Variants in SERINC5 observed in about 807,000 individuals in gnomAD.
The protein encoded by SERINC5 is chromosome 5 open reading frame 12.
SERINC5 carries 41 observed loss-of-function variants against 63.1 expected under a neutral mutation model. The observed-to-expected ratio is 0.65, with a 90% confidence interval of 0.51 to 0.84. SERINC5 has a LOEUF of 0.84. Among genes scored for constraint, SERINC5 ranks in the 40% least tolerant of loss-of-function variants. The pLI is 0.00. For missense variants in SERINC5, 523 were observed against 573.0 expected (o/e 0.91, Z 0.89); for synonymous variants, 222 against 215.2 (o/e 1.03, Z -0.28).
chr5:80,140,741 CACTT>C lies in SERINC5; in HGVS notation c.*2918_*2921del. 1.0e-6 allele frequency: 1 copy of C among 985,278 alleles called. No individual in the cohort carries two copies. Among genetic ancestry groups the C allele is most frequent in the Non-Finnish European group, 1.2e-6 (1 of 829,896 alleles). 61.0% of individuals were successfully genotyped at this position (985,278 alleles called of 1,614,324 possible). A position where few individuals can be genotyped will look rare whatever the true frequency, so the allele number is the denominator to read the frequency against. ...TAAGAACCCCCACCCCCCTGCCACC[CACTT>C]AGTGTTTTTACTCATAAAAATGAGG... is the stretch of plus-strand genomic sequence containing the variant. On this transcript the variant is annotated 3_prime_UTR_variant, in exon 12 of 12. Transcript: ENST00000507668.
At chr5:80,152,267 G>C (rs184552323) in intron 8 of SERINC5, among the ~76,000 whole-genome samples, 69 of 152,154 alleles carry the variant, frequency 4.5e-4, no homozygotes, top group African/African-American at 1.6e-3. Context: ...TTGGGAGGCT[G>C]TGGCAGGTAG....
downstream of SERINC5, among the ~76,000 whole-genome samples, chr5:80,135,761 G>A (rs921580989): frequency 6.6e-6 from 1 of 151,618 alleles, no homozygotes; most frequent in African/African-American, 2.4e-5. Context: ...GGCAATGATA[G>A]AAGCATAGTT....
intron 1 of SERINC5, among the ~76,000 whole-genome samples, chr5:80,221,228 A>G (rs1054877366): frequency 3.9e-5 from 6 of 152,296 alleles, no homozygotes; most frequent in African/African-American, 1.4e-4. Flanking sequence ...AAACCTTCCC[A>G]GGGGATCATC....
downstream of SERINC5, among the ~76,000 whole-genome samples, chr5:80,135,509 G>A (rs1477350608): frequency 6.6e-6 from 1 of 152,128 alleles, no homozygotes; most frequent in Non-Finnish European, 1.5e-5. Flanking sequence ...AATGTGAGGA[G>A]GAAAAAGATA....
Position 80,177,900 on chromosome 5 carries a change from A to G in SERINC5, c.360T>C (p.Ala120=). 5 of 1,608,464 alleles carry G rather than the reference A, an allele frequency of 3.1e-6. No individual in the cohort carries two copies. The South Asian group carries it at 5.6e-5, about 18-fold the overall frequency. The change falls in exon 3 of 12, where the codon GCT becomes GCC. Residue 120 remains alanine, a synonymous_variant. Transcript: ENST00000507668. ...LKINNSKSCR[A]HIHNGFWFFK... is the part of the protein sequence containing the mutation. ...AAAATACTTACCCATTGTGAATATGAGCTCTACAACTTTTGCTGTTGTTGA... is the reference window on the plus strand; with the variant it reads ...AAAATACTTACCCATTGTGAATATGGGCTCTACAACTTTTGCTGTTGTTGA...
At chr5:80,155,752 T>C (rs1337257456) in intron 8 of SERINC5, among the ~76,000 whole-genome samples, 1 of 151,708 alleles carries the variant, frequency 6.6e-6, no homozygotes, top group African/African-American at 2.4e-5. Context: ...TTTTTTTATC[T>C]AAAAAAATAA....
chr5:80,255,768 G>A lies in SERINC5; in HGVS notation c.27+128C>T, dbSNP rs552365517. 7.9e-5 allele frequency: 63 copies of A among 797,422 alleles called. No individual in the cohort carries two copies. In the African/African-American group the frequency reaches 8.9e-4, roughly 11 times the overall value. The allele number at this position is 797,422 out of a possible 1,614,324, so 49.4% of individuals were successfully genotyped here. On this transcript the variant is annotated intron_variant, in intron 1 of 11. Coordinates refer to ENST00000507668, the MANE Select transcript of SERINC5 (RefSeq NM_001174072.3). ...CGGCTGAGCGCCGCGGGGCCAGCCC[G>A]AGCGACCCACCCGGGCCCTACGTTC...
intron 11 of SERINC5, among the ~76,000 whole-genome samples, chr5:80,128,677 G>A (rs1303846819): frequency 6.6e-6 from 1 of 152,138 alleles, no homozygotes; most frequent in African/African-American, 2.4e-5. Flanking sequence ...TTGCCATAAT[G>A]GGGATTAGAA....
intron 1 of SERINC5, among the ~76,000 whole-genome samples, chr5:80,250,469 G>A (rs192693433): frequency 1.2e-4 from 18 of 152,312 alleles, no homozygotes; most frequent in African/African-American, 4.3e-4. Flanking sequence ...AGCCTCCTGA[G>A]TAGCTGGGAT....
At position 80,169,475 on chromosome 5, in the gene SERINC5, A is replaced by G; in HGVS notation, c.623T>C (p.Ile208Thr). 4 of 1,613,944 alleles carry G rather than the reference A, an allele frequency of 2.5e-6. No individual in the cohort carries two copies. The highest frequency in any genetic ancestry group is 2.5e-6 in the Non-Finnish European group (3 of 1,179,844). The stretch of plus-strand genomic sequence containing the variant: ...CATCAAAACCAAGCCTCCAGTGGCA[A>G]TGGAATACATGATGAGCGTCACCAG... ...LALVTLIMYSIATGGLVLMAV... is the reference protein window; with the variant it reads ...LALVTLIMYSTATGGLVLMAV... The change falls in exon 6 of 12, where the codon ATT (isoleucine) becomes ACT (threonine). Residue 208 changes from isoleucine to threonine, a missense_variant. Ile to Thr is a moderately conservative substitution (Grantham distance 89, BLOSUM62 -1). Coordinates refer to ENST00000507668, the MANE Select transcript of SERINC5 (RefSeq NM_001174072.3).
At chr5:80,175,527 T>C (rs1747970868) in intron 4 of SERINC5, among the ~76,000 whole-genome samples, 1 of 152,164 alleles carries the variant, frequency 6.6e-6, no homozygotes, top group Non-Finnish European at 1.5e-5. Context: ...AAAGACGCTA[T>C]AACCTTGAAT....
intron 11 of SERINC5, among the ~76,000 whole-genome samples, chr5:80,127,354 C>T (rs1049018225): frequency 1.3e-5 from 2 of 152,178 alleles, no homozygotes; most frequent in Non-Finnish European, 2.9e-5. Context: ...CTACTATGTT[C>T]GTTCTCTCTT....
rs1006781874 is a variant in SERINC5, at chr5:80,127,374, C to G, written c.1239-13749G>C. 2.0e-5 allele frequency among the ~76,000 whole-genome samples: 3 copies of G among 152,190 alleles called. No homozygotes were observed. In the East Asian group the frequency reaches 5.8e-4, roughly 29 times the overall value. ...ATGTTCGTTCTCTCTTCCATGAAAC[C>G]AGCAATATCCCAAATACAGACTGCT... On this transcript the variant is annotated intron_variant, in intron 11 of 12. Coordinates refer to the SERINC5 transcript ENST00000509193.
intron 1 of SERINC5, among the ~76,000 whole-genome samples, chr5:80,243,083 T>G (rs1054246089): frequency 6.6e-6 from 1 of 152,214 alleles, no homozygotes; most frequent in African/African-American, 2.4e-5. Context: ...CGTGGGCTTT[T>G]TGTGTGCTGA....
intron 2 of SERINC5, among the ~76,000 whole-genome samples, chr5:80,185,941 C>CA (rs1748769864): frequency 6.6e-6 from 1 of 151,928 alleles, no homozygotes; most frequent in Non-Finnish European, 1.5e-5. Flanking sequence ...GGCTTGGGCT[C>CA]AGAGGCCTGA....
intron 8 of SERINC5, among the ~76,000 whole-genome samples, chr5:80,151,956 G>A (rs1428409988): frequency 6.6e-6 from 1 of 152,190 alleles, no homozygotes; most frequent in Middle Eastern, 3.2e-3. Flanking sequence ...CTTTCCCAAG[G>A]AGAGAGATCA....
chr5:80,200,895 A>T (rs891155962), intron 2 of SERINC5, among the ~76,000 whole-genome samples: 3 of 151,760 alleles, frequency 2.0e-5, no homozygotes, highest in Non-Finnish European at 2.9e-5. Context: ...GGAGTTCCAG[A>T]CCAGCCCAGC....
intron 8 of SERINC5, among the ~76,000 whole-genome samples, chr5:80,152,811 G>A (rs181395135): frequency 1.3e-5 from 2 of 152,068 alleles, no homozygotes; most frequent in African/African-American, 4.8e-5. Flanking sequence ...TGTGGTGGCC[G>A]GCAGCTGTAA....
chr5:80,243,241 TA>T (rs1752025551), intron 1 of SERINC5, among the ~76,000 whole-genome samples: 1 of 152,176 alleles, frequency 6.6e-6, no homozygotes, highest in Admixed American at 6.6e-5. Flanking sequence ...TTCTTCTTTT[TA>T]AAATACCTAG....
Sources: allele counts gnomAD v4.1 joint callset (sites outside exome capture counted in the v4.1 genomes callset), GRCh38; gene constraint gnomAD v4.1.1; transcripts MANE v1.5; gene names NCBI Gene and HGNC (gene_info 2026-07-23, HGNC 2026-07-21).